PACRG: variants seen among roughly 807,000 people sequenced by gnomAD.
PACRG encodes the protein parkin coregulated.
In PACRG, 29 loss-of-function variants were observed where a neutral mutation model predicts 29.7. That is an observed-to-expected ratio of 0.98 (90% CI 0.73 to 1.33). The LOEUF is 1.33. Among genes scored for constraint, PACRG ranks in the 40% most tolerant of loss-of-function variants. The pLI, the probability that PACRG is intolerant of heterozygous loss-of-function variation, is 0.00. For synonymous variants in PACRG, 116 were observed against 118.7 expected (o/e 0.98, Z 0.15); for missense variants, 279 against 316.2 (o/e 0.88, Z 0.89).
chr6:162,795,188 G>A (rs979038500), intron 1 of PACRG, among the ~76,000 whole-genome samples: 1 of 151,950 alleles, frequency 6.6e-6, no homozygotes, highest in African/African-American at 2.4e-5. Context: ...TGTGGTTAGT[G>A]CAGAGTAAAC....
chr6:163,265,747 A>C (rs1004743594), intron 4 of PACRG, among the ~76,000 whole-genome samples: 1 of 152,240 alleles, frequency 6.6e-6, no homozygotes, highest in Non-Finnish European at 1.5e-5. Context: ...AGCCACAGTT[A>C]ATTTCTAAGT....
At chr6:162,915,008 T>C (rs934848282) in intron 2 of PACRG, among the ~76,000 whole-genome samples, 1 of 151,992 alleles carries the variant, frequency 6.6e-6, no homozygotes, top group Non-Finnish European at 1.5e-5. Context: ...TTTCTGATCC[T>C]TTTGCCTTAT....
intron 4 of PACRG, among the ~76,000 whole-genome samples, chr6:163,125,177 T>C (rs555400498): frequency 7.2e-5 from 11 of 152,324 alleles, no homozygotes; most frequent in African/African-American, 2.6e-4. Flanking sequence ...TTAAATGAAA[T>C]TGAGTTAATT....
intron 1 of PACRG, among the ~76,000 whole-genome samples, chr6:162,739,841 TAAAAAAAA>T (rs34535656): frequency 1.5e-5 from 2 of 130,126 alleles, no homozygotes; most frequent in East Asian, 2.2e-4. Context: ...GCTCCATCTT[TAAAAAAAA>T]AAAAAAAAAA....
intron 4 of PACRG, among the ~76,000 whole-genome samples, chr6:163,277,964 C>CTGT (rs1784105491): frequency 6.6e-6 from 1 of 152,170 alleles, no homozygotes; most frequent in Non-Finnish European, 1.5e-5. Flanking sequence ...CAATGTAAAA[C>CTGT]TGTTCCCTTT....
chr6:162,805,716 G>A (rs1319604125), intron 1 of PACRG, among the ~76,000 whole-genome samples: 1 of 152,114 alleles, frequency 6.6e-6, no homozygotes, highest in Non-Finnish European at 1.5e-5. Flanking sequence ...TTTTGATAAT[G>A]TTCAAAGTAT....
At position 162,927,573 on chromosome 6, in the gene PACRG, A is replaced by G. The variant is rs188361225; in HGVS notation, c.291+113292A>G. 9.7e-4 allele frequency among the ~76,000 whole-genome samples: 148 copies of G among 152,108 alleles called. 1 individual carries two copies. In the East Asian group the frequency reaches 0.024, roughly 25 times the overall value. ...AGCAACAGAAAACCAAACACCAGAT[A>G]TTCTCACTCATGAGTCGGAGCTGAA... On this transcript the variant is annotated intron_variant, in intron 2 of 4. Coordinates refer to ENST00000366888, the MANE Select transcript of PACRG (RefSeq NM_001080379.2).
intron 1 of PACRG, among the ~76,000 whole-genome samples, chr6:162,792,418 G>C (rs551224730): frequency 6.6e-6 from 1 of 152,168 alleles, no homozygotes. Context: ...ATAAGAAATG[G>C]TAGTCTTAGA....
intron 1 of PACRG, among the ~76,000 whole-genome samples, chr6:162,773,378 A>G (rs1783371859): frequency 1.3e-5 from 2 of 152,148 alleles, no homozygotes; most frequent in African/African-American, 2.4e-5. Context: ...CAAAATAAGT[A>G]GCACGAATAC....
intron 4 of PACRG, among the ~76,000 whole-genome samples, chr6:163,301,888 T>G (rs1490801111): frequency 2.0e-5 from 3 of 152,238 alleles, no homozygotes; most frequent in Admixed American, 1.3e-4. Context: ...CCTGTTTCAG[T>G]GGAGCTGGGA....
chr6:163,022,964 T>C (rs1806776556), intron 2 of PACRG, among the ~76,000 whole-genome samples: 2 of 152,184 alleles, frequency 1.3e-5, no homozygotes, highest in African/African-American at 4.8e-5. Context: ...TATTTTTACT[T>C]TGACTTACTG....
At position 163,168,401 on chromosome 6, in the gene PACRG, G is replaced by A. The variant is rs562716483; in HGVS notation, c.613+78993G>A. ...AGGAGCATTGCCTGTCCCTGGGGCC[G>A]GGGTTGCGGGTTGGGGGTGGGGGTG... On this transcript the variant is annotated intron_variant, in intron 4 of 4. Transcript: ENST00000366888. Among the ~76,000 whole-genome samples the A allele has an allele frequency of 1.6e-3, 242 of 152,272 alleles. 2 individuals carry two copies. Among genetic ancestry groups the A allele is most frequent in the African/African-American group, 5.4e-3 (225 of 41,562 alleles).
At chr6:163,053,923 A>C (rs1194242877) in intron 2 of PACRG, 3 of 152,142 alleles carry the variant, frequency 2.0e-5, no homozygotes, top group Non-Finnish European at 4.4e-5. Flanking sequence ...CTGAATACCT[A>C]CCTATTGTGT....
chr6:163,144,233 C>CAAAAAA (rs754157729), intron 4 of PACRG, among the ~76,000 whole-genome samples: 1,604 of 101,678 alleles, frequency 0.016, 47 homozygotes, highest in African/African-American at 0.048. Context: ...CGTCTCAAAA[C>CAAAAAA]AAAAAAAAAA....
chr6:162,770,493 A>G (rs1003584073), intron 1 of PACRG, among the ~76,000 whole-genome samples: 4 of 152,096 alleles, frequency 2.6e-5, no homozygotes, highest in African/African-American at 7.2e-5. Flanking sequence ...GCTTTGTTCA[A>G]TTTTTCAAGC....
intron 4 of PACRG, among the ~76,000 whole-genome samples, chr6:163,274,179 G>A (rs186283629): frequency 1.9e-3 from 291 of 152,006 alleles, no homozygotes; most frequent in African/African-American, 6.8e-3. Context: ...ATCCCTCCCC[G>A]CTCCCTCCAC....
intron 4 of PACRG, among the ~76,000 whole-genome samples, chr6:163,113,972 T>C (rs1385076322): frequency 6.6e-6 from 1 of 152,210 alleles, no homozygotes; most frequent in African/African-American, 2.4e-5. Context: ...TATTAAGACG[T>C]AATTTTGTAA....
chr6:163,177,432 C>G (rs1779418924), intron 4 of PACRG, among the ~76,000 whole-genome samples: 1 of 152,116 alleles, frequency 6.6e-6, no homozygotes. Context: ...AGTCTCACAT[C>G]AGAGAAACCT....
At chr6:162,999,518 T>C (rs773129582) in intron 2 of PACRG, among the ~76,000 whole-genome samples, 1 of 152,160 alleles carries the variant, frequency 6.6e-6, no homozygotes, top group African/African-American at 2.4e-5. Context: ...CACCTAACTC[T>C]TCAGACCCTC....
Sources: gnomAD v4.1 joint callset for allele counts (sites outside exome capture counted in the v4.1 genomes callset) on GRCh38, gnomAD v4.1.1 for gene constraint, MANE v1.5 for transcripts, NCBI Gene and HGNC (gene_info 2026-07-23, HGNC 2026-07-21) for gene names.